RYR2: variants seen among roughly 807,000 people sequenced by gnomAD.
The protein encoded by RYR2 is ryanodine receptor 2.
A neutral mutation model predicts 601.1 loss-of-function variants in RYR2; 227 were observed. The observed-to-expected ratio is 0.38, with a 90% CI of 0.34 to 0.42. The LOEUF (loss-of-function observed/expected upper bound fraction) is 0.42. RYR2 is among the 10% of genes least tolerant of loss of function. RYR2 has a pLI of 1.00. For synonymous variants in RYR2, 2,223 were observed against 2,175.1 expected (o/e 1.02, Z -0.61); for missense variants, 4,646 against 6,156.5 (o/e 0.75, Z 8.21).
intron 1 of RYR2, among the ~76,000 whole-genome samples, chr1:237,239,564 T>C (rs1685935091): frequency 6.6e-6 from 1 of 152,198 alleles, no homozygotes; most frequent in South Asian, 2.1e-4. Flanking sequence ...CCTTCTTTAC[T>C]GCACACGTGG....
chr1:237,182,238 C>T (rs1678851854), intron 1 of RYR2, among the ~76,000 whole-genome samples: 2 of 152,130 alleles, frequency 1.3e-5, no homozygotes, highest in Non-Finnish European at 2.9e-5. Context: ...TCTCCTTCCT[C>T]AGCCTCCTGA....
chr1:237,380,422 A>ATATATATATATT lies in RYR2; in HGVS notation c.576+2987_576+2988insTATATATATATT, dbSNP rs1214802373. ...TATATATATATATATATATATATAT[A>ATATATATATATT]GTAAATACGAAGTCTGGTGAGTATG... On this transcript the variant is annotated intron_variant, in intron 8 of 104. Transcript: ENST00000366574. 1.0e-4 allele frequency among the ~76,000 whole-genome samples: 5 copies of ATATATATATATT among 48,048 alleles called. 2 individuals carry two copies. Among genetic ancestry groups the ATATATATATATT allele is most frequent in the African/African-American group, 4.0e-4 (5 of 12,418 alleles). 31.5% of individuals were successfully genotyped at this position (48,048 alleles called of 152,430 possible). A position where few individuals can be genotyped will look rare whatever the true frequency, so the allele number is the denominator to read the frequency against.
intron 29 of RYR2, among the ~76,000 whole-genome samples, chr1:237,584,694 T>C (rs529219790): frequency 1.4e-5 from 2 of 140,452 alleles, no homozygotes; most frequent in East Asian, 4.6e-4. Context: ...CTCGCCTTGC[T>C]CTGTCACCTA....
intron 3 of RYR2, among the ~76,000 whole-genome samples, chr1:237,345,500 G>A (rs969501277): frequency 6.8e-6 from 1 of 147,888 alleles, no homozygotes; most frequent in African/African-American, 2.4e-5. Context: ...ATATATATAT[G>A]TACTATGTAC....
At chr1:237,381,813 G>A (rs528060326) in intron 8 of RYR2, among the ~76,000 whole-genome samples, 2 of 152,248 alleles carry the variant, frequency 1.3e-5, no homozygotes, top group South Asian at 4.1e-4. Flanking sequence ...GGTTGTAAAC[G>A]CCTCACCCAG....
chr1:237,728,107 G>A (rs1182431256), intron 76 of RYR2, among the ~76,000 whole-genome samples: 1 of 151,906 alleles, frequency 6.6e-6, no homozygotes, highest in African/African-American at 2.4e-5. Flanking sequence ...TACTAGTTTT[G>A]TTCCATTTTC....
chr1:237,155,179 CTTTTTT>C (rs11412062), intron 1 of RYR2, among the ~76,000 whole-genome samples: 5 of 127,606 alleles, frequency 3.9e-5, no homozygotes, highest in Admixed American at 1.8e-4. Context: ...TTTTTCTTTT[CTTTTTT>C]TTTTTTTTTT....
rs551140501 is a variant in RYR2, at chr1:237,436,454, C to CTTTTTTTTTTTTTTTTTTTTTTTT, written c.1006-4864_1006-4841dup. Among the ~76,000 whole-genome samples, 264 of 48,690 alleles carry CTTTTTTTTTTTTTTTTTTTTTTTT rather than the reference C, an allele frequency of 5.4e-3. 24 individuals carry two copies. The highest frequency in any genetic ancestry group is 8.7e-3 in the East Asian group (11 of 1,262). 31.9% of individuals were successfully genotyped at this position (48,690 alleles called of 152,430 possible). A position where few individuals can be genotyped will look rare whatever the true frequency, so the allele number is the denominator to read the frequency against. ...AGCCGAGGGATAATGTGTGATTTTC[C>CTTTTTTTTTTTTTTTTTTTTTTTT]TTTTTTTTTTTTTTTTTTTTTTTTG... On this transcript the variant is annotated intron_variant, in intron 12 of 104. Transcript: ENST00000366574.
At chr1:237,074,189 G>A (rs190923119) in intron 1 of RYR2, among the ~76,000 whole-genome samples, 23 of 151,952 alleles carry the variant, frequency 1.5e-4, no homozygotes, top group East Asian at 9.8e-4. Flanking sequence ...GTGGTGGAAC[G>A]TGCCTGTATC....
At chr1:237,345,347 A>G (rs980514411) in intron 3 of RYR2, among the ~76,000 whole-genome samples, 5 of 152,016 alleles carry the variant, frequency 3.3e-5, no homozygotes, top group African/African-American at 1.2e-4. Flanking sequence ...AAAATGTAAG[A>G]CTTTATTATA....
chr1:237,470,162 A>G (rs2150307956), intron 17 of RYR2, among the ~76,000 whole-genome samples: 1 of 152,292 alleles, frequency 6.6e-6, no homozygotes, highest in East Asian at 1.9e-4. Context: ...TCTTGAAGAT[A>G]GGGGCATGGT....
chr1:237,350,571 CAAAAAAAAAAAAAAAA>C (rs1167546068), intron 3 of RYR2, among the ~76,000 whole-genome samples: 97 of 26,950 alleles, frequency 3.6e-3, no homozygotes, highest in Admixed American at 8.8e-3. Context: ...GACTCTGTCT[CAAAAAAAAAAAAAAAA>C]AAAAAAAAAA....
In RYR2 at chr1:237,732,103, C is replaced by T. The variant is rs1374577335; in HGVS notation, c.10993C>T (p.His3665Tyr). The change falls in exon 78 of 105, where the codon CAT becomes TAT. Residue 3665 changes from histidine (H) to tyrosine (Y), a missense_variant. His to Tyr is a moderately conservative substitution (Grantham distance 83). This residue lies in a region of RYR2 where 1,497 missense variants were observed against 1,842.6 expected (regional missense o/e 0.81). Transcript: ENST00000366574. ...DEGTKRVDPL[H>Y]QLILLFSRTA... ...AGGCACTAAGAGAGTTGATCCTCTA[C>T]ATCAGCTGATCCTTCTGTTTAGTCG... The T allele has an allele frequency of 5.0e-6, 8 of 1,611,916 alleles. No individual in the cohort carries two copies. The highest frequency in any genetic ancestry group is 6.8e-6 in the Non-Finnish European group (8 of 1,178,458).
chr1:237,768,610 G>A (rs925277388), intron 84 of RYR2, among the ~76,000 whole-genome samples: 3 of 152,004 alleles, frequency 2.0e-5, no homozygotes, highest in African/African-American at 4.8e-5. Flanking sequence ...ACTCCATTCC[G>A]TTATTTGTTA....
intron 2 of RYR2, among the ~76,000 whole-genome samples, chr1:237,274,914 G>A (rs989412): frequency 0.16 from 24,090 of 151,884 alleles, 2,394 homozygotes; most frequent in East Asian, 0.53. Context: ...AGGCTATACC[G>A]TACATACCTA....
rs1675806700 is a variant in RYR2 at position 237,595,605 on chromosome 1, G to A, written c.4544G>A (p.Ser1515Asn). The A allele has an allele frequency of 6.2e-7, 1 of 1,613,342 alleles. No individual in the cohort carries two copies. The highest frequency in any genetic ancestry group is 1.7e-5 in the Admixed American group (1 of 59,948). ...ATTGGCTGTGTGGTGGATGCTGCCAGCGGGCTGCTCACATTCATTGCCAAT... is the reference window on the plus strand; with the variant it reads ...ATTGGCTGTGTGGTGGATGCTGCCAACGGGCTGCTCACATTCATTGCCAAT... ...LEIGCVVDAA[S>N]GLLTFIANGK... Residue 1515 changes from serine (S) to asparagine (N), a missense_variant, in exon 34 of 105, where the codon AGC becomes AAC. Physicochemically the swap from Ser to Asn is conservative, Grantham distance 46 (BLOSUM62 1). Around this residue, in one of 17 missense-constraint regions of RYR2, gnomAD observed 1,807 missense variants for 2,088.1 expected, o/e 0.87. Transcript: ENST00000366574.
At chr1:237,224,713 AG>A (rs1188356880) in intron 1 of RYR2, among the ~76,000 whole-genome samples, 1 of 152,126 alleles carries the variant, frequency 6.6e-6, no homozygotes, top group Non-Finnish European at 1.5e-5. Context: ...TTTAAAAAAA[AG>A]TTAGGTGTGG....
At chr1:237,264,076 A>C (rs898045769) in intron 1 of RYR2, among the ~76,000 whole-genome samples, 1 of 133,706 alleles carries the variant, frequency 7.5e-6, no homozygotes, top group Non-Finnish European at 1.6e-5. Flanking sequence ...TAAATGTACA[A>C]ACACACATGC....
chr1:237,698,967 A>G lies in RYR2; in HGVS notation c.9070A>G (p.Asn3024Asp). ...LVRHRISLFG[N>D]DATSIVNCLH... ...ACAGCATTTTGTTTCCTCTTTAGGC[A>G]ATGATGCAACATCAATTGTCAACTG... is the stretch of plus-strand genomic sequence containing the variant. Residue 3024 changes from asparagine to aspartate, a missense_variant and splice_region_variant, in exon 64 of 105, where the codon AAT (asparagine) becomes GAT (aspartate). Physicochemically the swap from Asn to Asp is conservative, Grantham distance 23. This residue lies in a region of RYR2 where 1,497 missense variants were observed against 1,842.6 expected (regional missense o/e 0.81). Transcript: ENST00000366574. 2 of 1,543,268 alleles carry G rather than the reference A, an allele frequency of 1.3e-6. No homozygotes were observed. The highest frequency in any genetic ancestry group is 1.4e-5 in the African/African-American group (1 of 73,520).
Sources: gnomAD v4.1 joint callset for allele counts (sites outside exome capture counted in the v4.1 genomes callset) on GRCh38, gnomAD v4.1.1 for gene constraint, gnomAD v4.1.1 regional missense constraint, MANE v1.5 for transcripts, NCBI Gene and HGNC (gene_info 2026-07-23, HGNC 2026-07-21) for gene names.